Variants in ZNF322 observed in about 807,000 individuals in gnomAD.
ZNF322 encodes zinc finger protein 322.
ZNF322 carries 1 observed loss-of-function variant against 18.3 expected under a neutral mutation model. That is an observed-to-expected ratio of 0.05 (90% CI 0.02 to 0.26). The LOEUF is 0.26. Ranked by LOEUF, ZNF322 falls within the 10% of genes least tolerant of loss-of-function variation. The probability of loss-of-function intolerance (pLI) is 1.00; values close to 1 mark genes in which losing one functional copy is unlikely to be tolerated. For synonymous variants in ZNF322, 17 were observed against 130.7 expected, an observed-to-expected ratio of 0.13 and a Z score of 5.93; for missense variants, 36 against 403.6, an observed-to-expected ratio of 0.09 and a Z score of 7.80.
At chr6:26,655,875 C>T (rs373848259) in intron 2 of ZNF322, among the ~76,000 whole-genome samples, 2 of 152,274 alleles carry the variant, frequency 1.3e-5, no homozygotes, top group South Asian at 2.1e-4. Context: ...TGCCAGCCCC[C>T]GTCTTGGACT....
chr6:26,657,893 T>C (rs1281622504), intron 2 of ZNF322, among the ~76,000 whole-genome samples: 7 of 152,000 alleles, frequency 4.6e-5, no homozygotes, highest in Non-Finnish European at 1.0e-4. Context: ...ACTAGTACTC[T>C]TTCCTGCCTA....
chr6:26,639,564 T>TAAA (rs1448028659), intron 3 of ZNF322, among the ~76,000 whole-genome samples: 2 of 151,750 alleles, frequency 1.3e-5, no homozygotes, highest in Non-Finnish European at 2.9e-5. Flanking sequence ...TCAAGTATCT[T>TAAA]AAAAAAAAGT....
intron 3 of ZNF322, among the ~76,000 whole-genome samples, chr6:26,642,962 T>A (rs965232052): frequency 6.6e-6 from 1 of 152,228 alleles, no homozygotes; most frequent in African/African-American, 2.4e-5. Context: ...GTCTAACCAC[T>A]TCTCACCAGC....
In ZNF322 at chr6:26,652,651, T is replaced by C. The variant is rs187912208; in HGVS notation, c.-246+5907A>G. 4.5e-3 allele frequency among the ~76,000 whole-genome samples: 677 copies of C among 151,856 alleles called. 5 individuals carry two copies. The highest frequency in any genetic ancestry group is 0.013 in the African/African-American group (546 of 41,428). On this transcript the variant is annotated intron_variant, in intron 2 of 3. Transcript: ENST00000415922. ...GTTGCAGTGAGCTGAGATCGCACCA[T>C]TGCACTCCAGCCTGGGCAACAAGAG...
intron 2 of ZNF322, among the ~76,000 whole-genome samples, chr6:26,646,408 G>A (rs1272116833): frequency 6.6e-6 from 1 of 152,096 alleles, no homozygotes; most frequent in African/African-American, 2.4e-5. Flanking sequence ...TAGGGCTTTT[G>A]ATCCTGATAT....
At chr6:26,645,273 T>C (rs1765536420) in intron 2 of ZNF322, among the ~76,000 whole-genome samples, 1 of 152,170 alleles carries the variant, frequency 6.6e-6, no homozygotes, top group Non-Finnish European at 1.5e-5. Context: ...AAATGTACTA[T>C]ACAAAGCCCA....
At chr6:26,657,889 A>G (rs961623831) in intron 2 of ZNF322, among the ~76,000 whole-genome samples, 4 of 152,076 alleles carry the variant, frequency 2.6e-5, no homozygotes, top group East Asian at 3.9e-4. Flanking sequence ...AGAGACTAGT[A>G]CTCTTTCCTG....
At chr6:26,656,963 A>G (rs1765788721) in intron 2 of ZNF322, among the ~76,000 whole-genome samples, 1 of 152,190 alleles carries the variant, frequency 6.6e-6, no homozygotes, top group African/African-American at 2.4e-5. Flanking sequence ...AAAACAGATC[A>G]TAAGGCCGGG....
chr6:26,651,653 G>C (rs1765671397), intron 2 of ZNF322, among the ~76,000 whole-genome samples: 1 of 152,050 alleles, frequency 6.6e-6, no homozygotes. Flanking sequence ...GATTTAGCCA[G>C]TCCACAATGT....
chr6:26,646,114 A>G (rs1158121955), intron 2 of ZNF322, among the ~76,000 whole-genome samples: 1 of 152,060 alleles, frequency 6.6e-6, no homozygotes, highest in African/African-American at 2.4e-5. Flanking sequence ...AAAATCAAAC[A>G]TTCAAAACAG....
chr6:26,641,249 G>C (rs1008014143), intron 3 of ZNF322, among the ~76,000 whole-genome samples: 6 of 152,124 alleles, frequency 3.9e-5, no homozygotes, highest in Non-Finnish European at 5.9e-5. Context: ...TGTCAACTCA[G>C]AACTGTTCTA....
chr6:26,659,337 G>T, intron 1 of ZNF322, 104 bp downstream of exon 1: 1 of 160,580 alleles, frequency 6.2e-6, no homozygotes. Context: ...ACCAGACCAT[G>T]CTCAGTGTCC....
chr6:26,649,555 C>T (rs1357654684), intron 2 of ZNF322, among the ~76,000 whole-genome samples: 1 of 147,312 alleles, frequency 6.8e-6, no homozygotes, highest in Non-Finnish European at 1.5e-5. Flanking sequence ...CTTAGGGTAC[C>T]AAAAATTTTC....
chr6:26,646,379 C>T (rs998230734), intron 2 of ZNF322, among the ~76,000 whole-genome samples: 4 of 152,074 alleles, frequency 2.6e-5, no homozygotes, highest in Non-Finnish European at 4.4e-5. Context: ...GAACACTAGG[C>T]AAACAGAAAC....
rs552101414 is a variant in ZNF322 at position 26,656,235 on chromosome 6, C to T, written c.-246+2323G>A. Among the ~76,000 whole-genome samples, 5 of 152,344 alleles carry T rather than the reference C, an allele frequency of 3.3e-5. No homozygotes were observed. The East Asian group carries it at 9.6e-4, about 29-fold the overall frequency. On this transcript the variant is annotated intron_variant, in intron 2 of 3. Coordinates refer to ENST00000415922, the MANE Select transcript of ZNF322 (RefSeq NM_024639.5). Reference sequence around the variant, plus strand: ...AGATTTTGGTTCAAATTCCCACTCTCCTCCTTTGTAGCTGTGAGAACTTGG... The same window carrying T: ...AGATTTTGGTTCAAATTCCCACTCTTCTCCTTTGTAGCTGTGAGAACTTGG...
chr6:26,650,201 G>A (rs766485638), intron 2 of ZNF322, among the ~76,000 whole-genome samples: 1 of 152,034 alleles, frequency 6.6e-6, no homozygotes, highest in Non-Finnish European at 1.5e-5. Context: ...ATATAAAAAT[G>A]TCCCTTAAAT....
chr6:26,653,324 CA>C (rs552364085), intron 2 of ZNF322, among the ~76,000 whole-genome samples: 290 of 152,186 alleles, frequency 1.9e-3, no homozygotes, highest in Admixed American at 4.4e-3. Context: ...CAATATGTAA[CA>C]AAACTAGATA....
At position 26,659,522 on chromosome 6, in the gene ZNF322, G is replaced by A. The variant is rs1423978982; in HGVS notation, c.-416C>T. 3 of 166,690 alleles carry A rather than the reference G, an allele frequency of 1.8e-5. No individual in the cohort carries two copies. Among genetic ancestry groups the A allele is most frequent in the Non-Finnish European group, 4.4e-5 (3 of 68,120 alleles). 10.3% of individuals were successfully genotyped at this position (166,690 alleles called of 1,614,324 possible). On this transcript the variant is annotated 5_prime_UTR_variant, in exon 1 of 4. Coordinates refer to ENST00000415922, the MANE Select transcript of ZNF322 (RefSeq NM_024639.5). ...CGGACACTCGAATCTGGGCTTCCTG[G>A]CGGCCGCAGACTCTGCGATAGTAGA...
intron 3 of ZNF322, among the ~76,000 whole-genome samples, chr6:26,642,908 A>G (rs1554148442): frequency 6.6e-6 from 1 of 152,118 alleles, no homozygotes; most frequent in East Asian, 1.9e-4. Flanking sequence ...CTCACAATCA[A>G]GCCATCAGCA....
Sources: gnomAD v4.1 joint callset for allele counts (sites outside exome capture counted in the v4.1 genomes callset) on GRCh38, gnomAD v4.1.1 for gene constraint, MANE v1.5 for transcripts, NCBI Gene and HGNC (gene_info 2026-07-23, HGNC 2026-07-21) for gene names.